Variants in GMDS observed in about 807,000 individuals in gnomAD.
GMDS encodes the protein GDP-mannose 4,6 dehydratase.
A neutral mutation model predicts 49.9 loss-of-function variants in GMDS; 20 were observed. That is an observed-to-expected ratio of 0.40 (90% confidence interval 0.28 to 0.58). The LOEUF (loss-of-function observed/expected upper bound fraction) is 0.58. Ranked by LOEUF, GMDS falls within the 20% of genes least tolerant of loss-of-function variation. GMDS has a pLI of 0.42. For synonymous variants in GMDS, 177 were observed against 178.6 expected, an observed-to-expected ratio of 0.99 and a Z score of 0.07; for missense variants, 362 against 481.4, an observed-to-expected ratio of 0.75 and a Z score of 2.32.
chr6:2,029,876 G>T (rs970325084), intron 4 of GMDS, among the ~76,000 whole-genome samples: 94 of 152,228 alleles, frequency 6.2e-4, no homozygotes, highest in African/African-American at 2.0e-3. Context: ...GTGTCATTTT[G>T]AATTATATAT....
At position 1,831,361 on chromosome 6, in the gene GMDS, G is replaced by A. The variant is rs560949947; in HGVS notation, c.772-88775C>T. Among the ~76,000 whole-genome samples, 7 of 152,320 alleles carry A rather than the reference G, an allele frequency of 4.6e-5. 1 individual carries two copies. The highest frequency in any genetic ancestry group is 1.9e-4 in the East Asian group (1 of 5,188). On this transcript the variant is annotated intron_variant, in intron 7 of 10. Transcript: ENST00000380815. ...CATTTCTCAGTTTCTTTAGTAAAAC[G>A]AGGAGTCCAGATAATCATTCCTTAA...
intron 4 of GMDS, among the ~76,000 whole-genome samples, chr6:2,087,803 G>T (rs1251424417): frequency 1.3e-5 from 2 of 152,282 alleles, no homozygotes; most frequent in Non-Finnish European, 2.9e-5. Context: ...CAACATCAAA[G>T]AAGTTTTTAG....
intron 7 of GMDS, among the ~76,000 whole-genome samples, chr6:1,771,537 T>C (rs933737252): frequency 6.6e-6 from 1 of 152,232 alleles, no homozygotes. Context: ...GCTACAATAG[T>C]GTGCACTGAT....
intron 7 of GMDS, among the ~76,000 whole-genome samples, chr6:1,796,737 GCTCA>G (rs1332659021): frequency 6.6e-6 from 1 of 152,108 alleles, no homozygotes; most frequent in African/African-American, 2.4e-5. Context: ...CCATTCAAAT[GCTCA>G]CTTTGTTTTA....
chr6:2,025,294 A>G (rs1023358557), intron 4 of GMDS, among the ~76,000 whole-genome samples: 2 of 151,794 alleles, frequency 1.3e-5, no homozygotes, highest in African/African-American at 4.8e-5. Context: ...GATCTTATAT[A>G]TTATTAAATA....
chr6:1,753,136 A>G (rs1468772260), intron 7 of GMDS, among the ~76,000 whole-genome samples: 1 of 152,202 alleles, frequency 6.6e-6, no homozygotes, highest in African/African-American at 2.4e-5. Context: ...TATTCAGGAG[A>G]CCCATCTCAT....
chr6:2,109,708 C>T (rs1044913121), intron 4 of GMDS, among the ~76,000 whole-genome samples: 4 of 152,212 alleles, frequency 2.6e-5, no homozygotes, highest in African/African-American at 9.6e-5. Flanking sequence ...GAGAACATTC[C>T]TCTCTTCTGC....
At chr6:2,178,623 T>G (rs879777910) in intron 1 of GMDS, among the ~76,000 whole-genome samples, 2 of 152,124 alleles carry the variant, frequency 1.3e-5, no homozygotes, top group African/African-American at 4.8e-5. Flanking sequence ...TCAGGCACTA[T>G]GCTCACTACC....
At chr6:1,895,094 A>G (rs752329958) in intron 7 of GMDS, among the ~76,000 whole-genome samples, 57 of 152,164 alleles carry the variant, frequency 3.7e-4, no homozygotes, top group Non-Finnish European at 1.8e-4. Context: ...GAGTCCTTAT[A>G]AGGCATTGTT....
intron 9 of GMDS, among the ~76,000 whole-genome samples, chr6:1,684,738 T>C (rs1199800223): frequency 6.6e-6 from 1 of 152,206 alleles, no homozygotes; most frequent in Non-Finnish European, 1.5e-5. Context: ...GCTGTGGTGA[T>C]GGTTACACAA....
At chr6:2,048,697 T>C (rs1489503257) in intron 4 of GMDS, among the ~76,000 whole-genome samples, 1 of 152,212 alleles carries the variant, frequency 6.6e-6, no homozygotes, top group African/African-American at 2.4e-5. Flanking sequence ...CTTCTATAAT[T>C]TCCTCTCAAT....
chr6:1,831,127 G>A (rs1297464534), intron 7 of GMDS, among the ~76,000 whole-genome samples: 1 of 152,214 alleles, frequency 6.6e-6, no homozygotes, highest in Non-Finnish European at 1.5e-5. Context: ...GGCTACAAAG[G>A]CATTACTGCC....
intron 1 of GMDS, among the ~76,000 whole-genome samples, chr6:2,237,615 G>A (rs183337078): frequency 3.5e-4 from 52 of 147,978 alleles, no homozygotes; most frequent in African/African-American, 1.2e-3. Flanking sequence ...TCTGCCTCCC[G>A]GGTTCAAGCG....
At chr6:1,874,840 G>A (rs1475198184) in intron 7 of GMDS, among the ~76,000 whole-genome samples, 1 of 152,136 alleles carries the variant, frequency 6.6e-6, no homozygotes, top group African/African-American at 2.4e-5. Flanking sequence ...AAAGTGTCTC[G>A]TAGTAATAAA....
chr6:2,105,027 A>G (rs1187258821), intron 4 of GMDS, among the ~76,000 whole-genome samples: 1 of 151,798 alleles, frequency 6.6e-6, no homozygotes, highest in Non-Finnish European at 1.5e-5. Context: ...CCAAAAACAC[A>G]AAAAATTAGC....
At chr6:2,150,337 A>G (rs1227904687) in intron 1 of GMDS, among the ~76,000 whole-genome samples, 1 of 152,168 alleles carries the variant, frequency 6.6e-6, no homozygotes, top group South Asian at 2.1e-4. Flanking sequence ...ATTTGAGCCC[A>G]GGAGTTCAAG....
intron 4 of GMDS, among the ~76,000 whole-genome samples, chr6:2,044,737 T>C (rs1475177584): frequency 6.6e-6 from 1 of 152,242 alleles, no homozygotes; most frequent in African/African-American, 2.4e-5. Flanking sequence ...TGTTTTTAAG[T>C]ACAGCATAGT....
At chr6:1,634,048 C>T (rs893852046) in intron 9 of GMDS, among the ~76,000 whole-genome samples, 2 of 152,222 alleles carry the variant, frequency 1.3e-5, no homozygotes, top group African/African-American at 2.4e-5. Context: ...GTGGACGAGT[C>T]GTTCTTGCCC....
intron 7 of GMDS, among the ~76,000 whole-genome samples, chr6:1,803,516 T>G (rs1770035063): frequency 6.6e-6 from 1 of 152,148 alleles, no homozygotes; most frequent in South Asian, 2.1e-4. Flanking sequence ...AGCTACAATT[T>G]ATGGCAAAAG....
Sources: allele counts gnomAD v4.1 joint callset (sites outside exome capture counted in the v4.1 genomes callset), GRCh38; gene constraint gnomAD v4.1.1; transcripts MANE v1.5; gene names NCBI Gene and HGNC (gene_info 2026-07-23, HGNC 2026-07-21).